Variants in DNAH7 observed in about 807,000 individuals in gnomAD.
DNAH7 encodes dynein axonemal heavy chain 7, also known as axonemal beta dynein heavy chain 7.
Under a neutral mutation model 444.6 loss-of-function variants are expected in DNAH7, and 397 were observed. The observed-to-expected ratio is 0.89, with a 90% CI of 0.82 to 0.97. DNAH7 has a LOEUF of 0.97. DNAH7 is among the 50% of genes least tolerant of loss of function. DNAH7 has a pLI of 0.00. For synonymous variants in DNAH7, 1,636 were observed against 1,624.4 expected, an observed-to-expected ratio of 1.01 and a Z score of -0.17; for missense variants, 4,902 against 4,800.8, an observed-to-expected ratio of 1.02 and a Z score of -0.62.
rs536751625 is a variant in DNAH7 at position 195,973,763 on chromosome 2, C to T, written c.1834-1297G>A. On this transcript the variant is annotated intron_variant, in intron 15 of 64. Transcript: ENST00000312428. ...CTGGAATTACAGGCGTCAGCCACCG[C>T]GGCTGACCCTTCCTTTGTATTTTTA... 4.6e-5 allele frequency among the ~76,000 whole-genome samples: 7 copies of T among 152,214 alleles called. No individual in the cohort carries two copies. In the South Asian group the frequency reaches 8.3e-4, roughly 18 times the overall value.
intron 63 of DNAH7, among the ~76,000 whole-genome samples, chr2:195,749,249 C>A (rs185491008): frequency 7.9e-5 from 12 of 152,144 alleles, no homozygotes; most frequent in African/African-American, 2.7e-4. Flanking sequence ...CATCACTGGC[C>A]GTCAGAGAAA....
Position 195,906,543 on chromosome 2 carries a change from C to T in DNAH7, c.4335+116G>A, listed in dbSNP as rs777580536. ...TGAGTTCAAGTGATCCTCCCACCACCTCAGCCTCCTAAAGTGCTAGGATTA... is the reference window on the plus strand; with the variant it reads ...TGAGTTCAAGTGATCCTCCCACCACTTCAGCCTCCTAAAGTGCTAGGATTA... On this transcript the variant is annotated intron_variant, in intron 27 of 64. Coordinates refer to ENST00000312428, the MANE Select transcript of DNAH7 (RefSeq NM_018897.3). 4.6e-5 allele frequency: 43 copies of T among 929,518 alleles called. 1 individual carries two copies. Among genetic ancestry groups the T allele is most frequent in the Non-Finnish European group, 6.4e-5 (42 of 653,608 alleles). 57.6% of individuals were successfully genotyped at this position (929,518 alleles called of 1,614,324 possible).
chr2:195,846,405 T>C (rs1699004380), intron 46 of DNAH7, among the ~76,000 whole-genome samples: 1 of 152,218 alleles, frequency 6.6e-6, no homozygotes, highest in African/African-American at 2.4e-5. Flanking sequence ...TATACACAGC[T>C]GGTGGGAATG....
intron 57 of DNAH7, among the ~76,000 whole-genome samples, chr2:195,788,967 TACAG>T (rs1695749776): frequency 6.6e-6 from 1 of 152,112 alleles, no homozygotes; most frequent in Non-Finnish European, 1.5e-5. Context: ...GTCAAGAAAA[TACAG>T]ACAGATAATG....
intron 13 of DNAH7, 87 bp from the exon 14 acceptor site, chr2:195,987,280 T>G (rs534166647): frequency 1.0e-4 from 99 of 985,086 alleles, no homozygotes; most frequent in African/African-American, 9.8e-4. Context: ...ATTTTTATTT[T>G]TGTGTGTGAT....
intron 41 of DNAH7, 41 bp downstream of exon 41, chr2:195,864,108 C>A (rs1256362053): frequency 2.5e-6 from 4 of 1,580,392 alleles, no homozygotes; most frequent in Admixed American, 1.8e-5. Context: ...AGTGGAAATT[C>A]AACATTTCTA....
chr2:195,857,333 G>GA, intron 44 of DNAH7, 44 bp downstream of exon 44: 1 of 1,457,118 alleles, frequency 6.9e-7, no homozygotes, highest in East Asian at 2.3e-5. Context: ...GACCAGAAGT[G>GA]AAGACAGACC....
chr2:195,931,139 A>G (rs1688664905), intron 21 of DNAH7, among the ~76,000 whole-genome samples: 3 of 152,186 alleles, frequency 2.0e-5, no homozygotes. Context: ...ATCACACGAT[A>G]TATCTATGTA....
At chr2:195,999,936 A>G (rs543604085) in intron 12 of DNAH7, among the ~76,000 whole-genome samples, 7 of 152,306 alleles carry the variant, frequency 4.6e-5, no homozygotes, top group Admixed American at 4.6e-4. Context: ...CAAAAGCTCA[A>G]AACTTCAAGA....
intron 19 of DNAH7, among the ~76,000 whole-genome samples, chr2:195,937,922 T>C (rs1689161816): frequency 6.6e-6 from 1 of 152,162 alleles, no homozygotes; most frequent in Admixed American, 6.6e-5. Context: ...ACAGGGCATT[T>C]TAGGAAATTT....
intron 46 of DNAH7, among the ~76,000 whole-genome samples, chr2:195,847,604 G>A (rs190947655): frequency 9.8e-4 from 147 of 149,426 alleles, no homozygotes; most frequent in African/African-American, 3.4e-3. Context: ...ACACAATTTG[G>A]TTATGTAAAA....
intron 41 of DNAH7, 101 bp downstream of exon 41, chr2:195,864,048 A>AT (rs987818099): frequency 1.1e-4 from 127 of 1,134,254 alleles, no homozygotes; most frequent in Non-Finnish European, 1.5e-4. Context: ...GCTAAACAAT[A>AT]TTTTGGGGTA....
chr2:196,021,107 A>G (rs529771297), intron 8 of DNAH7, among the ~76,000 whole-genome samples: 1 of 152,230 alleles, frequency 6.6e-6, no homozygotes, highest in African/African-American at 2.4e-5. Flanking sequence ...TTCTATAAAT[A>G]TATATATTCT....
rs149750363 is a variant in DNAH7, at chr2:195,737,871, C to G, written c.*50G>C. On this transcript the variant is annotated 3_prime_UTR_variant, in exon 65 of 65. Coordinates refer to ENST00000312428, the MANE Select transcript of DNAH7 (RefSeq NM_018897.3). ...GTTTAAGTAGTAAAATATGCTTTCT[C>G]TACTCAGCCAGCCAACAAGAAATAG... 7.7e-6 allele frequency: 12 copies of G among 1,567,694 alleles called. No individual in the cohort carries two copies. In the African/African-American group the frequency reaches 8.2e-5, roughly 11 times the overall value.
chr2:196,016,209 C>T (rs1158021502), intron 9 of DNAH7, among the ~76,000 whole-genome samples: 1 of 151,906 alleles, frequency 6.6e-6, no homozygotes, highest in Non-Finnish European at 1.5e-5. Context: ...CTTCAGTGTC[C>T]AGCTCAGTGT....
At chr2:195,818,791 C>T (rs558022331) in intron 49 of DNAH7, among the ~76,000 whole-genome samples, 2 of 152,122 alleles carry the variant, frequency 1.3e-5, no homozygotes, top group African/African-American at 4.8e-5. Flanking sequence ...CTGTCTTGAC[C>T]TTGGCTTCAT....
At chr2:195,847,647 A>T (rs1194142585) in intron 46 of DNAH7, among the ~76,000 whole-genome samples, 6 of 147,644 alleles carry the variant, frequency 4.1e-5, no homozygotes, top group Non-Finnish European at 6.0e-5. Flanking sequence ...CCTAAAAGTT[A>T]AAAAAAAAAC....
chr2:196,047,488 C>T lies in DNAH7; in HGVS notation c.262G>A (p.Glu88Lys), dbSNP rs750817956. ...KNEQSHAEYM[E>K]RFGKKGKLPH... ...AATTTGCCCTTTTTTCCAAAACGTT[C>T]CATGTATTCAGCTTAAATTAAAACA... The change falls in exon 5 of 65, where the codon GAA becomes AAA. Residue 88 changes from glutamate (E) to lysine (K), a missense_variant. Coordinates refer to ENST00000312428, the MANE Select transcript of DNAH7 (RefSeq NM_018897.3). The T allele has an allele frequency of 6.3e-7, 1 of 1,584,914 alleles. No individual in the cohort carries two copies. The highest frequency in any genetic ancestry group is 8.6e-7 in the Non-Finnish European group (1 of 1,164,034).
At chr2:195,931,029 T>C (rs560349387) in intron 21 of DNAH7, among the ~76,000 whole-genome samples, 3 of 151,994 alleles carry the variant, frequency 2.0e-5, no homozygotes, top group Admixed American at 2.0e-4. Context: ...TGGGGACTAC[T>C]ACAAGGAGGA....
Sources: allele counts gnomAD v4.1 joint callset (sites outside exome capture counted in the v4.1 genomes callset), GRCh38; gene constraint gnomAD v4.1.1; transcripts MANE v1.5; gene names NCBI Gene and HGNC (gene_info 2026-07-23, HGNC 2026-07-21).